The following NUDT5 variants were observed in gnomAD, a reference collection of about 807,000 sequenced individuals.
NUDT5 encodes the protein ADP-sugar pyrophosphatase.
Under a neutral mutation model 34.1 loss-of-function variants are expected in NUDT5, and 21 were observed. The observed-to-expected ratio is 0.62, with a 90% CI of 0.44 to 0.89. The LOEUF (loss-of-function observed/expected upper bound fraction) is 0.89. NUDT5 is among the 40% of genes least tolerant of loss of function. The probability of loss-of-function intolerance (pLI) is 0.00; values close to 1 mark genes in which losing one functional copy is unlikely to be tolerated. For missense variants in NUDT5, 249 were observed against 274.8 expected (o/e 0.91, Z 0.66); for synonymous variants, 85 against 97.6 (o/e 0.87, Z 0.76).
At chr10:12,172,975 C>T (rs1834884853) in intron 6 of NUDT5, 109 bp from the exon 7 acceptor site, 16 of 750,804 alleles carry the variant, frequency 2.1e-5, no homozygotes, top group South Asian at 1.2e-4. Flanking sequence ...GGAGGTGATG[C>T]GGGAAAACTA....
chr10:12,169,162 A>G lies in NUDT5; in HGVS notation c.551-1351T>C. The G allele has an allele frequency of 1.4e-6, 1 of 692,334 alleles. No individual in the cohort carries two copies. 42.9% of individuals were successfully genotyped at this position (692,334 alleles called of 1,614,324 possible). On this transcript the variant is annotated intron_variant, in intron 9 of 9. Coordinates refer to ENST00000491614, the MANE Select transcript of NUDT5 (RefSeq NM_014142.4). This position sits in a 1 kb window ranked among gnomAD's most constrained non-coding sequence, Gnocchi z 4.8. ...ACTGTATTTTGATTCTGCTAAAGCT[A>G]GGCAACTTGGTTCTTTTACCCCTCC... is the stretch of plus-strand genomic sequence containing the variant.
intron 3 of NUDT5, among the ~76,000 whole-genome samples, chr10:12,183,968 T>G (rs2131711889): frequency 6.6e-6 from 1 of 152,336 alleles, no homozygotes; most frequent in Non-Finnish European, 1.5e-5. Context: ...TGCTTTCAGT[T>G]TTTCTTTTAA....
chr10:12,176,621 C>T (rs528399905), intron 5 of NUDT5, among the ~76,000 whole-genome samples: 8 of 152,028 alleles, frequency 5.3e-5, no homozygotes, highest in Admixed American at 6.5e-5. Context: ...AATAATAAAA[C>T]GTATACCACT....
chr10:12,189,943 GA>G (rs1444518477), intron 1 of NUDT5, among the ~76,000 whole-genome samples: 39 of 150,296 alleles, frequency 2.6e-4, no homozygotes, highest in African/African-American at 7.3e-4. Flanking sequence ...GCCCAGGCTG[GA>G]GTGCAGTGGC....
chr10:12,169,906 T>A lies in NUDT5; in HGVS notation c.550+811A>T, dbSNP rs554785750. ...TAATCACTTAAAAACAGTAGAAAAA[T>A]CAGTTATCAATTACCTAAAACACTT... On this transcript the variant is annotated intron_variant, in intron 9 of 9. Coordinates refer to ENST00000491614, the MANE Select transcript of NUDT5 (RefSeq NM_014142.4). This position sits in a 1 kb window ranked among gnomAD's most constrained non-coding sequence, Gnocchi z 4.8. The A allele has an allele frequency of 4.2e-6, 2 of 481,050 alleles. No individual in the cohort carries two copies. Among genetic ancestry groups the A allele is most frequent in the Non-Finnish European group, 7.4e-6 (2 of 271,326 alleles). 29.8% of individuals were successfully genotyped at this position (481,050 alleles called of 1,614,324 possible).
chr10:12,185,797 A>G (rs1409974385), intron 2 of NUDT5, among the ~76,000 whole-genome samples: 4 of 152,234 alleles, frequency 2.6e-5, no homozygotes, highest in South Asian at 2.1e-4. Context: ...GCTAAATTGA[A>G]TAACACAGAG....
chr10:12,193,229 A>T (rs184183128), intron 1 of NUDT5, among the ~76,000 whole-genome samples: 117 of 152,294 alleles, frequency 7.7e-4, no homozygotes, highest in African/African-American at 2.7e-3. Flanking sequence ...TTCCACGAAG[A>T]CAGTTTTAAG....
intron 1 of NUDT5, among the ~76,000 whole-genome samples, chr10:12,192,309 AAAAAAG>A (rs1331970807): frequency 2.0e-5 from 3 of 152,004 alleles, no homozygotes; most frequent in Non-Finnish European, 1.5e-5. Context: ...TCTCCAAAAA[AAAAAAG>A]AAAAGAAAAG....
In NUDT5 at chr10:12,168,271, G is replaced by A. The variant is rs1340430108; in HGVS notation, c.551-460C>T. 4.6e-5 allele frequency among the ~76,000 whole-genome samples: 7 copies of A among 152,064 alleles called. No individual in the cohort carries two copies. Among genetic ancestry groups the A allele is most frequent in the African/African-American group, 9.7e-5 (4 of 41,414 alleles). On this transcript the variant is annotated intron_variant, in intron 9 of 9. Coordinates refer to ENST00000491614, the MANE Select transcript of NUDT5 (RefSeq NM_014142.4). The surrounding 1 kb of genome is among the most constrained non-coding windows in gnomAD (Gnocchi z 4.8). The stretch of plus-strand genomic sequence containing the variant: ...GATCTCCTGACCTCGTGATCCACCC[G>A]CCTCAGCCTCCCAAAGTGCTGGGAT...
intron 1 of NUDT5, among the ~76,000 whole-genome samples, chr10:12,190,834 C>T (rs1311273569): frequency 6.6e-6 from 1 of 151,760 alleles, no homozygotes; most frequent in Non-Finnish European, 1.5e-5. Flanking sequence ...GTTTCGAACT[C>T]CTGACCTCAA....
chr10:12,194,471 G>A (rs569152840), intron 1 of NUDT5, among the ~76,000 whole-genome samples: 1 of 152,088 alleles, frequency 6.6e-6, no homozygotes, highest in Non-Finnish European at 1.5e-5. Flanking sequence ...GCATAGTTCC[G>A]GATCAAGGCA....
rs1287428291 is a variant in NUDT5 at position 12,167,865 on chromosome 10, ATCT to A, written c.551-57_551-55del. 15 of 1,605,796 alleles carry A rather than the reference ATCT, an allele frequency of 9.3e-6. No homozygotes were observed. The Admixed American group carries it at 2.2e-4, about 24-fold the overall frequency. On this transcript the variant is annotated intron_variant, in intron 9 of 9. Coordinates refer to ENST00000491614, the MANE Select transcript of NUDT5 (RefSeq NM_014142.4). Reference sequence around the variant, plus strand: ...TCATGCCGTTAAGGAAGGACAAAACATCTTATTCAATCAGTGTTTGCGCAGCAG... The same window carrying A: ...TCATGCCGTTAAGGAAGGACAAAACATATTCAATCAGTGTTTGCGCAGCAG...
At chr10:12,184,618 G>A in intron 3 of NUDT5, 1 of 1,286,598 alleles carries the variant, frequency 7.8e-7, no homozygotes, top group Non-Finnish European at 1.1e-6. Flanking sequence ...CTTAAATTAG[G>A]TTTGGCCCAA....
intron 1 of NUDT5, among the ~76,000 whole-genome samples, chr10:12,191,486 C>T (rs931719901): frequency 6.6e-6 from 1 of 152,204 alleles, no homozygotes; most frequent in Non-Finnish European, 1.5e-5. Flanking sequence ...GAACACATTT[C>T]TAAGGCCATA....
At position 12,166,447 on chromosome 10, in the gene NUDT5, T is replaced by C. The variant is rs931802208; in HGVS notation, c.*1255A>G. ...GGCTAGACAGCTTCATCTGTAAAGTTCTGTATTTCCATAATTGTTTTATCT... is the reference window on the plus strand; with the variant it reads ...GGCTAGACAGCTTCATCTGTAAAGTCCTGTATTTCCATAATTGTTTTATCT... On this transcript the variant is annotated 3_prime_UTR_variant, in exon 10 of 10. Transcript: ENST00000491614. The C allele has an allele frequency of 2.1e-5, 5 of 234,038 alleles. No homozygotes were observed. The highest frequency in any genetic ancestry group is 1.1e-4 in the East Asian group (1 of 8,742). 14.5% of individuals were successfully genotyped at this position (234,038 alleles called of 1,614,324 possible). A position where few individuals can be genotyped will look rare whatever the true frequency, so the allele number is the denominator to read the frequency against.
chr10:12,194,330 A>G (rs552870412), intron 1 of NUDT5, among the ~76,000 whole-genome samples: 1 of 152,316 alleles, frequency 6.6e-6, no homozygotes, highest in Admixed American at 6.5e-5. Flanking sequence ...CCTTCCGCGC[A>G]ATTTTTTACT....
In NUDT5 at chr10:12,187,996, G is replaced by A. The variant is rs748871944; in HGVS notation, c.-41-1664C>T. 2.0e-5 allele frequency among the ~76,000 whole-genome samples: 3 copies of A among 152,072 alleles called. No individual in the cohort carries two copies. Among genetic ancestry groups the A allele is most frequent in the South Asian group, 4.2e-4 (2 of 4,816 alleles). On this transcript the variant is annotated intron_variant, in intron 1 of 9. Coordinates refer to ENST00000491614, the MANE Select transcript of NUDT5 (RefSeq NM_014142.4). This position sits in a 1 kb window ranked among gnomAD's most constrained non-coding sequence, Gnocchi z 5.4. ...AAAATAAAAAATAAAAAAATTAGCCGGGTGTGGTGGTGGGCACCTGTAGTC... is the reference window on the plus strand; with the variant it reads ...AAAATAAAAAATAAAAAAATTAGCCAGGTGTGGTGGTGGGCACCTGTAGTC...
At chr10:12,184,811 A>T (rs1053344331) in intron 3 of NUDT5, 78 bp downstream of exon 3, 1 of 844,044 alleles carries the variant, frequency 1.2e-6, no homozygotes, top group Admixed American at 2.5e-5. Flanking sequence ...AGAAAACATC[A>T]AAGTTTATGC....
Position 12,171,055 on chromosome 10 carries a change from G to A in NUDT5, c.488-147C>T, listed in dbSNP as rs1419392513. ...TTAATTTATATACATTGTCAAACTC[G>A]AGCAGTATGAAGTTATTGTTCTCCA... On this transcript the variant is annotated intron_variant, in intron 7 of 9. Transcript: ENST00000491614. This position sits in a 1 kb window ranked among gnomAD's most constrained non-coding sequence, Gnocchi z 4.2. The A allele has an allele frequency of 7.4e-6, 6 of 813,068 alleles. No individual in the cohort carries two copies. The highest frequency in any genetic ancestry group is 1.7e-5 in the African/African-American group (1 of 57,770). 50.4% of individuals were successfully genotyped at this position (813,068 alleles called of 1,614,324 possible).
Sources: allele counts gnomAD v4.1 joint callset (sites outside exome capture counted in the v4.1 genomes callset), GRCh38; gene constraint gnomAD v4.1.1; non-coding constraint Gnocchi (gnomAD v3.1); transcripts MANE v1.5; gene names NCBI Gene and HGNC (gene_info 2026-07-23, HGNC 2026-07-21).